ERC2: variants seen among roughly 807,000 people sequenced by gnomAD.
ERC2 encodes ELKS/RAB6-interacting/CAST family member 2.
ERC2 carries 42 observed loss-of-function variants against 114.8 expected under a neutral mutation model. The observed-to-expected ratio is 0.37, with a 90% CI of 0.29 to 0.47. ERC2 has a LOEUF of 0.47. Among genes scored for constraint, ERC2 ranks in the 20% least tolerant of loss-of-function variants. The pLI is 0.99. For synonymous variants in ERC2, 454 were observed against 425.5 expected (o/e 1.07, Z -0.82); for missense variants, 939 against 1,150.7 (o/e 0.82, Z 2.66).
chr3:56,149,123 T>C lies in ERC2; in HGVS notation c.1159A>G (p.Ile387Val). Reference sequence around the variant, plus strand: ...CTTATGTTTCGTTCCAATGAAGCGATTTTTGTGTCCTGTTGGTAAAGAAGA... The same window carrying C: ...CTTATGTTTCGTTCCAATGAAGCGACTTTTGTGTCCTGTTGGTAAAGAAGA... ...QTVIEMKDTK[I>V]ASLERNIRDL... The change falls in exon 5 of 18, where the codon ATC becomes GTC. Residue 387 changes from isoleucine (I) to valine (V), a missense_variant. By Grantham distance (29) the Ile-to-Val change is conservative. This residue lies in a region of ERC2 where 148 missense variants were observed against 159.1 expected (regional missense o/e 0.93). Transcript: ENST00000288221. 2.5e-6 allele frequency: 4 copies of C among 1,607,052 alleles called. No individual in the cohort carries two copies. The highest frequency in any genetic ancestry group is 2.2e-5 in the East Asian group (1 of 44,714).
At chr3:56,275,876 G>A (rs1230197092) in intron 3 of ERC2, among the ~76,000 whole-genome samples, 2 of 152,120 alleles carry the variant, frequency 1.3e-5, no homozygotes, top group Non-Finnish European at 2.9e-5. Flanking sequence ...TGGACGTCAG[G>A]GATGTTGCTA....
chr3:56,441,216 G>C (rs563567441), intron 1 of ERC2, among the ~76,000 whole-genome samples: 1 of 152,160 alleles, frequency 6.6e-6, no homozygotes, highest in Admixed American at 6.5e-5. Context: ...GAGAGGCCAC[G>C]TGAAGGAGAA....
At chr3:55,517,233 G>A (rs1300331130) in intron 17 of ERC2, among the ~76,000 whole-genome samples, 1 of 151,972 alleles carries the variant, frequency 6.6e-6, no homozygotes, top group African/African-American at 2.4e-5. Context: ...TTGAGTCCAG[G>A]AGTTCAAGAC....
intron 17 of ERC2, among the ~76,000 whole-genome samples, chr3:55,535,446 G>A (rs1473956146): frequency 6.6e-6 from 1 of 152,204 alleles, no homozygotes; most frequent in Non-Finnish European, 1.5e-5. Context: ...GAAGGTGGAA[G>A]TCTATTCTAA....
intron 14 of ERC2, among the ~76,000 whole-genome samples, chr3:55,792,917 C>G (rs2070164060): frequency 6.6e-6 from 1 of 152,150 alleles, no homozygotes; most frequent in South Asian, 2.1e-4. Context: ...AGACAAATGT[C>G]AAGTCAGCAC....
chr3:56,019,096 G>C, intron 7 of ERC2, 65 bp from the exon 8 acceptor site: 1 of 1,236,750 alleles, frequency 8.1e-7, no homozygotes, highest in Non-Finnish European at 1.1e-6. Flanking sequence ...AATTCCTGAA[G>C]TGGATCTATT....
At chr3:55,672,129 G>C (rs2061585079) in intron 17 of ERC2, among the ~76,000 whole-genome samples, 1 of 152,094 alleles carries the variant, frequency 6.6e-6, no homozygotes, top group Non-Finnish European at 1.5e-5. Context: ...CCTGAGTCCA[G>C]AAGTTTGAGA....
chr3:56,216,518 A>G (rs2049484110), intron 3 of ERC2, among the ~76,000 whole-genome samples: 1 of 152,188 alleles, frequency 6.6e-6, no homozygotes, highest in Non-Finnish European at 1.5e-5. Context: ...ACCAACCAAA[A>G]ACAGTCCAGA....
intron 14 of ERC2, among the ~76,000 whole-genome samples, chr3:55,828,815 G>T (rs916898656): frequency 2.0e-5 from 3 of 152,130 alleles, no homozygotes; most frequent in African/African-American, 4.8e-5. Context: ...CAGGATTTTA[G>T]CAGGACCAAG....
At chr3:56,455,618 T>C (rs939486044) in intron 1 of ERC2, among the ~76,000 whole-genome samples, 9 of 152,242 alleles carry the variant, frequency 5.9e-5, no homozygotes, top group African/African-American at 2.2e-4. Flanking sequence ...CATGAAGTTA[T>C]TGTGAAGATT....
chr3:56,121,277 T>C (rs771292490), intron 6 of ERC2, among the ~76,000 whole-genome samples: 25 of 152,244 alleles, frequency 1.6e-4, no homozygotes, highest in Non-Finnish European at 1.3e-4. Flanking sequence ...CATCGATCTT[T>C]CTGAAATAGG....
chr3:55,572,300 A>T (rs1370722034), intron 17 of ERC2, among the ~76,000 whole-genome samples: 3 of 152,294 alleles, frequency 2.0e-5, no homozygotes, highest in African/African-American at 7.2e-5. Context: ...GCAGCTGGAG[A>T]AATGCTTGTG....
intron 14 of ERC2, among the ~76,000 whole-genome samples, chr3:55,870,006 A>T (rs998238806): frequency 8.5e-5 from 13 of 152,314 alleles, no homozygotes; most frequent in Admixed American, 2.6e-4. Flanking sequence ...AGTGGCCTCA[A>T]AAAGCAAATG....
At chr3:55,714,906 C>T (rs935207736) in intron 15 of ERC2, among the ~76,000 whole-genome samples, 2 of 151,006 alleles carry the variant, frequency 1.3e-5, no homozygotes, top group African/African-American at 4.9e-5. Context: ...TAAATTACAT[C>T]TCATATTAGG....
At chr3:56,356,149 G>C (rs2058737318) in intron 2 of ERC2, among the ~76,000 whole-genome samples, 1 of 152,158 alleles carries the variant, frequency 6.6e-6, no homozygotes, top group African/African-American at 2.4e-5. Context: ...TATTTTTAAG[G>C]GGGATGTGAG....
intron 2 of ERC2, among the ~76,000 whole-genome samples, chr3:56,395,230 A>G (rs75330233): frequency 0.036 from 5,419 of 152,240 alleles, 112 homozygotes; most frequent in South Asian, 0.07. Context: ...CTCTTTAATT[A>G]TACTTTAAAA....
rs1417761840 is a variant in ERC2, at chr3:55,610,078, A to AC, written c.*39+73715_*39+73716insG. ...ACAAACACAAACAAAAAAAAAAAAA[A>AC]AAAAAACAAGAATTCCTCTAATTTA... On this transcript the variant is annotated intron_variant, in intron 17 of 17. Coordinates refer to ENST00000288221, the MANE Select transcript of ERC2 (RefSeq NM_015576.3). 9.2e-5 allele frequency among the ~76,000 whole-genome samples: 14 copies of AC among 151,872 alleles called. No individual in the cohort carries two copies. In the East Asian group the frequency reaches 2.1e-3, roughly 23 times the overall value.
chr3:55,726,293 G>T (rs980613653), intron 15 of ERC2, among the ~76,000 whole-genome samples: 1 of 152,192 alleles, frequency 6.6e-6, no homozygotes, highest in African/African-American at 2.4e-5. Flanking sequence ...AGGAGGCTAT[G>T]GGAACCCTAC....
intron 17 of ERC2, among the ~76,000 whole-genome samples, chr3:55,547,098 G>A (rs886228414): frequency 3.9e-5 from 6 of 152,246 alleles, no homozygotes; most frequent in Non-Finnish European, 7.3e-5. Flanking sequence ...CTGTAGGGGC[G>A]TTAGCAAAGA....
Sources: gnomAD v4.1 joint callset for allele counts (sites outside exome capture counted in the v4.1 genomes callset) on GRCh38, gnomAD v4.1.1 for gene constraint, gnomAD v4.1.1 regional missense constraint, MANE v1.5 for transcripts, NCBI Gene and HGNC (gene_info 2026-07-23, HGNC 2026-07-21) for gene names.